The following ARHGAP21 variants were observed in gnomAD, a reference collection of about 807,000 sequenced individuals.
ARHGAP21 encodes Rho GTPase activating protein 21, also known as rho GTPase-activating protein 21.
A neutral mutation model predicts 164.6 loss-of-function variants in ARHGAP21; 38 were observed. The observed-to-expected ratio is 0.23, with a 90% confidence interval of 0.18 to 0.30. The LOEUF is 0.30. Ranked by LOEUF, ARHGAP21 falls within the 10% of genes least tolerant of loss-of-function variation. The probability of loss-of-function intolerance (pLI) is 1.00; values close to 1 mark genes in which losing one functional copy is unlikely to be tolerated. For missense variants in ARHGAP21, 1,822 were observed against 2,370.7 expected, an observed-to-expected ratio of 0.77 and a Z score of 4.81; for synonymous variants, 766 against 857.9, an observed-to-expected ratio of 0.89 and a Z score of 1.87.
intron 4 of ARHGAP21, among the ~76,000 whole-genome samples, chr10:24,652,286 T>C (rs1838257952): frequency 6.6e-6 from 1 of 152,138 alleles, no homozygotes; most frequent in African/African-American, 2.4e-5. Context: ...GCCAAATAAA[T>C]ATCTACATAG....
At position 24,662,049 on chromosome 10, in the gene ARHGAP21, T is replaced by C. The variant is rs116729036; in HGVS notation, c.268+4936A>G. 8.4e-3 allele frequency among the ~76,000 whole-genome samples: 1,274 copies of C among 152,246 alleles called. 16 individuals carry two copies. The highest frequency in any genetic ancestry group is 0.029 in the African/African-American group (1,187 of 41,538). The stretch of plus-strand genomic sequence containing the variant: ...GGAGCACTAGGACTCCATAACCTCA[T>C]TAAGCTTTGCAGGTCCACTGCTAGC... On this transcript the variant is annotated intron_variant, in intron 4 of 25. Coordinates refer to ENST00000396432, the MANE Select transcript of ARHGAP21 (RefSeq NM_020824.4).
At chr10:24,681,897 G>A (rs1443733911) in intron 2 of ARHGAP21, among the ~76,000 whole-genome samples, 1 of 152,032 alleles carries the variant, frequency 6.6e-6, no homozygotes, top group Non-Finnish European at 1.5e-5. Context: ...TGGCATGCTT[G>A]GGGGGAAGGA....
intron 2 of ARHGAP21, among the ~76,000 whole-genome samples, chr10:24,715,392 G>C (rs1414438096): frequency 6.6e-6 from 1 of 151,962 alleles, no homozygotes; most frequent in Non-Finnish European, 1.5e-5. Context: ...CCATATACTA[G>C]CCATTCGTTT....
At position 24,620,339 on chromosome 10, in the gene ARHGAP21, T is replaced by C. The variant is rs778206595; in HGVS notation, c.1556A>G (p.Asn519Ser). 35 of 1,613,980 alleles carry C rather than the reference T, an allele frequency of 2.2e-5. No individual in the cohort carries two copies. In the East Asian group the frequency reaches 4.2e-4, roughly 20 times the overall value. The change falls in exon 9 of 26, where the codon AAT (asparagine) becomes AGT (serine). Residue 519 changes from asparagine to serine, a missense_variant. Asn to Ser is a conservative substitution (Grantham distance 46). This residue lies in a region of ARHGAP21 where 1,090 missense variants were observed against 1,378.9 expected (regional missense o/e 0.79). Coordinates refer to ENST00000396432, the MANE Select transcript of ARHGAP21 (RefSeq NM_020824.4). Reference sequence around the variant, plus strand: ...CTTGTAAGTCTGTTTTTTCTCTCCATTGGAATCAGGTATTGGAGTTCCAGA... The same window carrying C: ...CTTGTAAGTCTGTTTTTTCTCTCCACTGGAATCAGGTATTGGAGTTCCAGA... ...VNSGTPIPDS[N>S]GEKKQTYKWS...
chr10:24,708,266 T>C (rs1280293796), intron 2 of ARHGAP21, among the ~76,000 whole-genome samples: 3 of 152,118 alleles, frequency 2.0e-5, no homozygotes, highest in Non-Finnish European at 2.9e-5. Flanking sequence ...ATTCTGGACT[T>C]TGACCCTCTT....
intron 2 of ARHGAP21, among the ~76,000 whole-genome samples, chr10:24,678,060 G>A (rs76175071): frequency 5.3e-5 from 8 of 151,568 alleles, no homozygotes; most frequent in East Asian, 1.9e-4. Context: ...CCAGGAGTTC[G>A]AGACCAGCCT....
At chr10:24,639,465 C>T (rs1836762088) in intron 4 of ARHGAP21, among the ~76,000 whole-genome samples, 1 of 152,012 alleles carries the variant, frequency 6.6e-6, no homozygotes, top group Non-Finnish European at 1.5e-5. Flanking sequence ...TTAAGTATTA[C>T]TTATTATTAT....
intron 2 of ARHGAP21, among the ~76,000 whole-genome samples, chr10:24,674,088 C>T (rs1055998818): frequency 6.6e-6 from 1 of 151,972 alleles, no homozygotes; most frequent in South Asian, 2.1e-4. Flanking sequence ...AATTAAGACC[C>T]TCTGCTCTTC....
At chr10:24,718,691 G>T (rs1845636686) in intron 2 of ARHGAP21, among the ~76,000 whole-genome samples, 1 of 152,086 alleles carries the variant, frequency 6.6e-6, no homozygotes, top group African/African-American at 2.4e-5. Flanking sequence ...TTATTGTATT[G>T]TTTACAGTAT....
chr10:24,587,913 A>G (rs2076174034), intron 25 of ARHGAP21, among the ~76,000 whole-genome samples: 2 of 152,192 alleles, frequency 1.3e-5, no homozygotes, highest in South Asian at 4.1e-4. Context: ...ATAGCATAAC[A>G]CCACTATGGA....
chr10:24,595,592 A>G, intron 19 of ARHGAP21, 125 bp downstream of exon 19: 1 of 877,618 alleles, frequency 1.1e-6, no homozygotes, highest in Non-Finnish European at 1.7e-6. Context: ...TATGAGGGAG[A>G]ACTAAATAAA....
At chr10:24,603,039 G>A (rs939858180) in intron 12 of ARHGAP21, among the ~76,000 whole-genome samples, 4 of 152,170 alleles carry the variant, frequency 2.6e-5, no homozygotes, top group African/African-American at 4.8e-5. Context: ...AAACATCCAA[G>A]TGACGGCAGC....
At chr10:24,614,963 G>C (rs1481726591) in intron 9 of ARHGAP21, among the ~76,000 whole-genome samples, 3 of 150,302 alleles carry the variant, frequency 2.0e-5, no homozygotes, top group Non-Finnish European at 4.5e-5. Flanking sequence ...GAGGGGGACG[G>C]ATCACCTGAG....
intron 14 of ARHGAP21, among the ~76,000 whole-genome samples, chr10:24,599,765 A>C (rs1279632924): frequency 2.6e-5 from 4 of 152,206 alleles, no homozygotes; most frequent in Non-Finnish European, 5.9e-5. Flanking sequence ...TTTACTATTG[A>C]AATTCCTACT....
At chr10:24,664,169 C>T (rs1840685868) in intron 4 of ARHGAP21, among the ~76,000 whole-genome samples, 1 of 152,146 alleles carries the variant, frequency 6.6e-6, no homozygotes, top group South Asian at 2.1e-4. Context: ...ATGTTGTTTT[C>T]TTAGAATAAT....
chr10:24,688,027 T>C (rs948912801), intron 2 of ARHGAP21, among the ~76,000 whole-genome samples: 4 of 152,220 alleles, frequency 2.6e-5, no homozygotes, highest in Non-Finnish European at 4.4e-5. Flanking sequence ...CTCATTTTCA[T>C]TGGCAACACT....
intron 2 of ARHGAP21, among the ~76,000 whole-genome samples, chr10:24,706,268 C>T (rs773545360): frequency 1.3e-5 from 2 of 152,174 alleles, no homozygotes; most frequent in African/African-American, 2.4e-5. Flanking sequence ...TCCTCCACCA[C>T]TTAAAGCTCT....
chr10:24,612,655 C>T (rs915757621), intron 9 of ARHGAP21, among the ~76,000 whole-genome samples: 3 of 151,680 alleles, frequency 2.0e-5, no homozygotes, highest in Admixed American at 2.0e-4. Context: ...GAGATCAAGA[C>T]CATCCTGGTT....
At chr10:24,590,459 G>A in intron 24 of ARHGAP21, 1 of 1,535,340 alleles carries the variant, frequency 6.5e-7, no homozygotes, top group Non-Finnish European at 8.7e-7. Flanking sequence ...ATTACCGTGT[G>A]ATAGACTCCT....
Sources: gnomAD v4.1 joint callset for allele counts (sites outside exome capture counted in the v4.1 genomes callset) on GRCh38, gnomAD v4.1.1 for gene constraint, gnomAD v4.1.1 regional missense constraint, MANE v1.5 for transcripts, NCBI Gene and HGNC (gene_info 2026-07-23, HGNC 2026-07-21) for gene names.